The following CCNI variants were observed in gnomAD, a reference collection of about 807,000 sequenced individuals.
CCNI encodes the protein cyclin-I.
In CCNI, 14 loss-of-function variants were observed where a neutral mutation model predicts 34.1. The observed-to-expected ratio is 0.41, with a 90% CI of 0.27 to 0.64. The LOEUF (loss-of-function observed/expected upper bound fraction) is 0.64. Among genes scored for constraint, CCNI ranks in the 30% least tolerant of loss-of-function variants. The probability of loss-of-function intolerance (pLI) is 0.31; values close to 1 mark genes in which losing one functional copy is unlikely to be tolerated. For missense variants in CCNI, 385 were observed against 440.5 expected (o/e 0.87, Z 1.13); for synonymous variants, 154 against 158.4 (o/e 0.97, Z 0.21).
At chr4:77,070,274 C>G (rs1404327608) in intron 1 of CCNI, among the ~76,000 whole-genome samples, 1 of 151,832 alleles carries the variant, frequency 6.6e-6, no homozygotes, top group Non-Finnish European at 1.5e-5. Flanking sequence ...GCCTTGGCCT[C>G]CCAAAGTGCT....
intron 5 of CCNI, 23 bp downstream of exon 5, chr4:77,055,939 T>TA (rs755368761): frequency 6.3e-7 from 1 of 1,580,710 alleles, no homozygotes; most frequent in Non-Finnish European, 8.6e-7. Context: ...AATAAGAAAC[T>TA]AAAAGACTTC....
Position 77,047,659 on chromosome 4 carries a change from A to G in CCNI, c.*560T>C, listed in dbSNP as rs1727522826. 6.6e-6 allele frequency: 1 copy of G among 152,224 alleles called. No homozygotes were observed. Among genetic ancestry groups the G allele is most frequent in the South Asian group, 2.1e-4 (1 of 4,832 alleles). 9.4% of individuals were successfully genotyped at this position (152,224 alleles called of 1,614,324 possible). A position where few individuals can be genotyped will look rare whatever the true frequency, so the allele number is the denominator to read the frequency against. On this transcript the variant is annotated 3_prime_UTR_variant, in exon 7 of 7. Transcript: ENST00000237654. The stretch of plus-strand genomic sequence containing the variant: ...CACAAAATCAACCTGGTAATATGAG[A>G]ACTTTTTCTTTTGCCATCTCTGATT...
At chr4:77,055,107 G>T in intron 6 of CCNI, 43 bp downstream of exon 6, 1 of 1,351,680 alleles carries the variant, frequency 7.4e-7, no homozygotes, top group Non-Finnish European at 1.1e-6. Flanking sequence ...TCCAATAATA[G>T]AAAAACTTAA....
rs1018455091 is a variant in CCNI at position 77,070,015 on chromosome 4, G to T, written c.-43-3610C>A. ...ACCATAAATACAGTCTAAAATCATG[G>T]GCTTTTTTTTTTTTTTTTTGAGACA... On this transcript the variant is annotated intron_variant, in intron 1 of 6. Coordinates refer to ENST00000237654, the MANE Select transcript of CCNI (RefSeq NM_006835.3). Among the ~76,000 whole-genome samples the T allele has an allele frequency of 4.0e-5, 6 of 149,698 alleles. No homozygotes were observed. In the South Asian group the frequency reaches 8.4e-4, roughly 21 times the overall value.
intron 2 of CCNI, among the ~76,000 whole-genome samples, chr4:77,059,272 A>C (rs1728444999): frequency 6.6e-6 from 1 of 151,964 alleles, no homozygotes; most frequent in African/African-American, 2.4e-5. Context: ...TATAAGCTTA[A>C]TTTTTAGCAG....
At chr4:77,069,378 G>C (rs1016630380) in intron 1 of CCNI, among the ~76,000 whole-genome samples, 2 of 152,040 alleles carry the variant, frequency 1.3e-5, no homozygotes, top group Non-Finnish European at 2.9e-5. Context: ...GAATGAGACC[G>C]TGTCTCCAAA....
rs1729859585 is a variant in CCNI at position 77,075,489 on chromosome 4, C to A, written c.-61G>T. 2.1e-6 allele frequency: 2 copies of A among 969,352 alleles called. No homozygotes were observed. Among genetic ancestry groups the A allele is most frequent in the Admixed American group, 6.2e-5 (1 of 16,244 alleles). The allele number at this position is 969,352 out of a possible 1,614,324, so 60.0% of individuals were successfully genotyped here. On this transcript the variant is annotated 5_prime_UTR_variant, in exon 1 of 7. An upstream open reading frame in the 5' UTR gains an earlier in-frame stop. Transcript: ENST00000237654. ...CCCCTCACCTTCTCCTCCTCTTCCT[C>A]CTCCTCCTCCTCCCCGGCAGAGCTG...
intron 2 of CCNI, among the ~76,000 whole-genome samples, chr4:77,059,832 G>C (rs1728483498): frequency 6.6e-6 from 1 of 152,146 alleles, no homozygotes; most frequent in African/African-American, 2.4e-5. Context: ...TCTGGATGAA[G>C]AGTTAAGCAT....
chr4:77,073,262 G>A (rs562380223), intron 1 of CCNI, among the ~76,000 whole-genome samples: 1 of 152,112 alleles, frequency 6.6e-6, no homozygotes, highest in African/African-American at 2.4e-5. Flanking sequence ...CTTTCTCCAC[G>A]GTTATCAAAT....
chr4:77,072,758 T>C (rs542748789), intron 1 of CCNI, among the ~76,000 whole-genome samples: 7 of 151,822 alleles, frequency 4.6e-5, no homozygotes, highest in Admixed American at 1.3e-4. Context: ...AATGAGATAA[T>C]TGGGACGGTA....
intron 2 of CCNI, among the ~76,000 whole-genome samples, chr4:77,059,983 G>C (rs1175723471): frequency 6.6e-6 from 1 of 152,116 alleles, no homozygotes; most frequent in Non-Finnish European, 1.5e-5. Context: ...GTTATAATCT[G>C]ATGAAACTGG....
At chr4:77,063,732 T>A (rs1441761389) in intron 2 of CCNI, among the ~76,000 whole-genome samples, 2 of 151,150 alleles carry the variant, frequency 1.3e-5, no homozygotes, top group Non-Finnish European at 2.9e-5. Flanking sequence ...CCCTGGGGGT[T>A]ACCCTGGCAA....
chr4:77,049,619 A>C (rs1727698972), intron 6 of CCNI, among the ~76,000 whole-genome samples: 1 of 151,464 alleles, frequency 6.6e-6, no homozygotes, highest in South Asian at 2.1e-4. Flanking sequence ...TGGAGGTTGC[A>C]GTGAGGTGAG....
intron 2 of CCNI, among the ~76,000 whole-genome samples, chr4:77,058,891 A>C (rs967318831): frequency 1.3e-5 from 2 of 152,178 alleles, no homozygotes; most frequent in Non-Finnish European, 2.9e-5. Context: ...CCATAGTTGA[A>C]TTAAATTTAG....
At chr4:77,065,075 T>C (rs1728939476) in intron 2 of CCNI, 1 of 152,202 alleles carries the variant, frequency 6.6e-6, no homozygotes. Flanking sequence ...TGAGATAGCA[T>C]ATATATAAAC....
At chr4:77,048,962 G>GTTTCTT (rs1727643131) in intron 6 of CCNI, among the ~76,000 whole-genome samples, 1 of 47,648 alleles carries the variant, frequency 2.1e-5, no homozygotes, top group Non-Finnish European at 4.7e-5. Flanking sequence ...TCCAACGTCT[G>GTTTCTT]TTTTTTTTTT....
In CCNI at chr4:77,048,127, A is replaced by C; in HGVS notation, c.*92T>G. 3 of 894,880 alleles carry C rather than the reference A, an allele frequency of 3.4e-6. No individual in the cohort carries two copies. Among genetic ancestry groups the C allele is most frequent in the Non-Finnish European group, 5.2e-6 (3 of 578,746 alleles). The allele number at this position is 894,880 out of a possible 1,614,324, so 55.4% of individuals were successfully genotyped here. On this transcript the variant is annotated 3_prime_UTR_variant, in exon 7 of 7. Transcript: ENST00000237654. ...TCACTCCAAATCAGCCTGTTAAGGT[A>C]TATTTCCTTCTACAGCCTTTCCTGA...
rs564652964 is a variant in CCNI at position 77,067,040 on chromosome 4, T to G, written c.-43-635A>C. Among the ~76,000 whole-genome samples the G allele has an allele frequency of 2.6e-5, 4 of 152,240 alleles. No homozygotes were observed. The East Asian group carries it at 7.8e-4, about 30-fold the overall frequency. ...CTAGGTCAGGAGTTGGAGACCAGCC[T>G]GGCCAACATGGTGAAACCCCATCAC... On this transcript the variant is annotated intron_variant, in intron 1 of 6. Transcript: ENST00000237654.
rs762862291 is a variant in CCNI, at chr4:77,048,657, A to C, written c.696T>G (p.Asp232Glu). 5.3e-6 allele frequency: 8 copies of C among 1,521,170 alleles called. No homozygotes were observed. Among genetic ancestry groups the C allele is most frequent in the Admixed American group, 2.2e-5 (1 of 45,682 alleles). The allele number at this position is 1,521,170 out of a possible 1,614,324, so 94.2% of individuals were successfully genotyped here. The change falls in exon 7 of 7, where the codon GAT becomes GAG. Residue 232 changes from aspartate (D) to glutamate (E), a missense_variant. Asp to Glu is a conservative substitution (Grantham distance 45, BLOSUM62 2). Transcript: ENST00000237654. ...CCCGACAATGGATCAACTGGGAGCT[A>C]TCCATCTGGGCCAGGAAAAAAAAAA... ...TIELLQKAQM[D>E]SSQLIHCREL...
Sources: allele counts gnomAD v4.1 joint callset (sites outside exome capture counted in the v4.1 genomes callset), GRCh38; gene constraint gnomAD v4.1.1; transcripts MANE v1.5; gene names NCBI Gene and HGNC (gene_info 2026-07-23, HGNC 2026-07-21).